AP3S1: variants seen among roughly 807,000 people sequenced by gnomAD.
The protein encoded by AP3S1 is AP-3 complex subunit sigma-1.
Under a neutral mutation model 21.3 loss-of-function variants are expected in AP3S1, and 12 were observed. The observed-to-expected ratio is 0.56, with a 90% CI of 0.36 to 0.91. The LOEUF is 0.91. Among genes scored for constraint, AP3S1 ranks in the 40% least tolerant of loss-of-function variants. The pLI is 0.01. For synonymous variants in AP3S1, 48 were observed against 78.4 expected, an observed-to-expected ratio of 0.61 and a Z score of 2.05; for missense variants, 116 against 225.0, an observed-to-expected ratio of 0.52 and a Z score of 3.10.
chr5:115,892,024 A>G (rs1750351525), intron 3 of AP3S1, among the ~76,000 whole-genome samples: 1 of 152,240 alleles, frequency 6.6e-6, no homozygotes, highest in South Asian at 2.1e-4. Context: ...ACATTTCTCA[A>G]AAGAAGACAT....
rs184548171 is a variant in AP3S1 at position 115,861,571 on chromosome 5, T to C, written c.70-5099T>C. Reference sequence around the variant, plus strand: ...AAAGTTATTATTAAAAAAATTTTTTTTGAGGCAGGGTCTTGCTCTGTCATC... The same window carrying C: ...AAAGTTATTATTAAAAAAATTTTTTCTGAGGCAGGGTCTTGCTCTGTCATC... On this transcript the variant is annotated intron_variant, in intron 1 of 5. Transcript: ENST00000316788. Among the ~76,000 whole-genome samples the C allele has an allele frequency of 6.6e-4, 101 of 152,288 alleles. No individual in the cohort carries two copies. The South Asian group carries it at 0.017, about 25-fold the overall frequency.
intron 3 of AP3S1, among the ~76,000 whole-genome samples, chr5:115,887,490 C>T (rs913451988): frequency 1.3e-5 from 2 of 151,786 alleles, no homozygotes; most frequent in Middle Eastern, 3.4e-3. Context: ...AAGGGGTCTG[C>T]CAAATAAGTG....
chr5:115,880,926 GGGT>G (rs1248204150), intron 3 of AP3S1, among the ~76,000 whole-genome samples: 1 of 152,054 alleles, frequency 6.6e-6, no homozygotes, highest in African/African-American at 2.4e-5. Flanking sequence ...TCTTCTTGTT[GGGT>G]TGATCCCTTT....
intron 1 of AP3S1, among the ~76,000 whole-genome samples, chr5:115,851,079 A>G (rs920634683): frequency 1.3e-5 from 2 of 152,354 alleles, no homozygotes; most frequent in East Asian, 1.9e-4. Flanking sequence ...AGCAGTTTCA[A>G]TAGATAAATA....
intron 5 of AP3S1, among the ~76,000 whole-genome samples, chr5:115,910,405 C>A (rs1752006161): frequency 6.6e-6 from 1 of 151,662 alleles, no homozygotes; most frequent in African/African-American, 2.4e-5. Flanking sequence ...TAAGGGGGGA[C>A]TACTGTACTG....
chr5:115,872,354 G>T (rs1472422963), intron 3 of AP3S1, among the ~76,000 whole-genome samples: 1 of 152,104 alleles, frequency 6.6e-6, no homozygotes, highest in Non-Finnish European at 1.5e-5. Flanking sequence ...CTATTTGTAT[G>T]CCATATTACT....
chr5:115,869,713 G>A (rs1309561135), intron 2 of AP3S1, among the ~76,000 whole-genome samples: 2 of 152,160 alleles, frequency 1.3e-5, no homozygotes, highest in Non-Finnish European at 2.9e-5. Context: ...ATCTGATGAT[G>A]TTCTGATGTG....
chr5:115,896,207 C>T (rs566822882), intron 4 of AP3S1, among the ~76,000 whole-genome samples: 38 of 152,234 alleles, frequency 2.5e-4, no homozygotes, highest in African/African-American at 8.9e-4. Flanking sequence ...TACATGTAAC[C>T]AGCATCACAA....
chr5:115,908,516 G>A (rs923687628), intron 5 of AP3S1, among the ~76,000 whole-genome samples: 3 of 151,984 alleles, frequency 2.0e-5, no homozygotes, highest in Admixed American at 1.3e-4. Context: ...AACCCTTGAG[G>A]TCACTTGTAA....
Position 115,841,948 on chromosome 5 carries a change from G to A in AP3S1, c.-90G>A, listed in dbSNP as rs1761568538. The A allele has an allele frequency of 6.6e-7, 1 of 1,524,094 alleles. No individual in the cohort carries two copies. Among genetic ancestry groups the A allele is most frequent in the South Asian group, 1.2e-5 (1 of 81,522 alleles). 94.4% of individuals were successfully genotyped at this position (1,524,094 alleles called of 1,614,324 possible). On this transcript the variant is annotated 5_prime_UTR_variant, in exon 1 of 6. Coordinates refer to ENST00000316788, the MANE Select transcript of AP3S1 (RefSeq NM_001284.4). The stretch of plus-strand genomic sequence containing the variant: ...GTCGCGTGCGGGAGGGGGCGGGTGG[G>A]GAAGGATCGCAGGCGAGATTACGAG...
intron 2 of AP3S1, 110 bp downstream of exon 2, chr5:115,866,871 G>A: frequency 1.9e-6 from 1 of 525,416 alleles, no homozygotes; most frequent in Non-Finnish European, 3.1e-6. Context: ...ATTGGATTAG[G>A]TGAATTAATT....
At chr5:115,912,248 A>T (rs1752165530) in intron 5 of AP3S1, 1 of 152,030 alleles carries the variant, frequency 6.6e-6, no homozygotes, top group Non-Finnish European at 1.5e-5. Context: ...AATTTTATGG[A>T]CATTGCCATA....
intron 1 of AP3S1, among the ~76,000 whole-genome samples, chr5:115,859,275 A>T (rs1763004650): frequency 6.6e-6 from 1 of 152,232 alleles, no homozygotes; most frequent in Non-Finnish European, 1.5e-5. Context: ...TCTCACTTGG[A>T]TAAAGCCCAG....
intron 1 of AP3S1, among the ~76,000 whole-genome samples, chr5:115,856,934 C>T (rs1762842246): frequency 1.3e-5 from 2 of 152,092 alleles, no homozygotes; most frequent in Non-Finnish European, 2.9e-5. Flanking sequence ...AAACTTTGTG[C>T]CCTTTGATCA....
chr5:115,856,114 A>G (rs2112795735), intron 1 of AP3S1, among the ~76,000 whole-genome samples: 1 of 152,290 alleles, frequency 6.6e-6, no homozygotes, highest in Middle Eastern at 3.4e-3. Context: ...ACCAACTGAA[A>G]TATAGCTCTT....
At chr5:115,860,779 T>G (rs1195016095) in intron 1 of AP3S1, among the ~76,000 whole-genome samples, 1 of 152,210 alleles carries the variant, frequency 6.6e-6, no homozygotes, top group Non-Finnish European at 1.5e-5. Flanking sequence ...AAAAAGCCCT[T>G]TAATATTGTC....
At chr5:115,894,556 G>T (rs1214108824) in intron 3 of AP3S1, among the ~76,000 whole-genome samples, 1 of 152,196 alleles carries the variant, frequency 6.6e-6, no homozygotes, top group African/African-American at 2.4e-5. Flanking sequence ...GCCTGCTGAG[G>T]TGACTCTTCC....
rs114229534 is a variant in AP3S1 at position 115,882,000 on chromosome 5, A to G, written c.273+11872A>G. 2.3e-3 allele frequency among the ~76,000 whole-genome samples: 350 copies of G among 151,470 alleles called. 1 individual carries two copies. Among genetic ancestry groups the G allele is most frequent in the African/African-American group, 7.8e-3 (321 of 41,260 alleles). On this transcript the variant is annotated intron_variant, in intron 3 of 5. Coordinates refer to ENST00000316788, the MANE Select transcript of AP3S1 (RefSeq NM_001284.4). ...TTCTGCTTGATTGATTTGGCTATTG[A>G]TACTGTGTGTGCTTCATGAAGTTCT...
At chr5:115,865,035 G>A (rs1580651384) in intron 1 of AP3S1, among the ~76,000 whole-genome samples, 2 of 151,672 alleles carry the variant, frequency 1.3e-5, no homozygotes, top group South Asian at 2.1e-4. Flanking sequence ...AAAGCAAAAC[G>A]GCAGACAGAA....
Sources: allele counts gnomAD v4.1 joint callset (sites outside exome capture counted in the v4.1 genomes callset), GRCh38; gene constraint gnomAD v4.1.1; transcripts MANE v1.5; gene names NCBI Gene and HGNC (gene_info 2026-07-23, HGNC 2026-07-21).